XG: variants seen among roughly 807,000 people sequenced by gnomAD.
XG encodes Xg glycoprotein (Xg blood group).
Under a neutral mutation model 25.7 loss-of-function variants are expected in XG, and 24 were observed. The ratio of observed to expected loss-of-function variants is 0.93; its 90% CI spans 0.68 to 1.31. The LOEUF (loss-of-function observed/expected upper bound fraction) is 1.31, where lower values mean the gene tolerates loss of function less well. Among genes scored for constraint, XG ranks in the 40% most tolerant of loss-of-function variants. The pLI is 0.00. For synonymous variants in XG, 77 were observed against 69.2 expected (o/e 1.11, Z -0.56); for missense variants, 181 against 187.6 (o/e 0.96, Z 0.21).
At chrX:2,778,262 G>C (rs1449915981) in intron 3 of XG, among the ~76,000 whole-genome samples, 1 of 152,218 alleles carries the variant, frequency 6.6e-6, no homozygotes, top group Non-Finnish European at 1.5e-5. Flanking sequence ...AAGATGTGGA[G>C]CTGGGCGTGG....
rs141450501 is a variant in XG, at chrX:2,808,772, C to T, written c.454+552C>T. Among the ~76,000 whole-genome samples the T allele has an allele frequency of 1.9e-3, 210 of 111,202 alleles. 1 individual carries two copies. The highest frequency in any genetic ancestry group is 6.5e-3 in the African/African-American group (200 of 30,577). Reference sequence around the variant, plus strand: ...TGCTTGAGTTTAAGTTGAGAGTAAACGCACTCAACCCCAAGGCTCTTGTGA... The same window carrying T: ...TGCTTGAGTTTAAGTTGAGAGTAAATGCACTCAACCCCAAGGCTCTTGTGA... On this transcript the variant is annotated intron_variant, in intron 9 of 10. Transcript: ENST00000644266.
chrX:2,776,833 C>T (rs1365980030), intron 3 of XG, among the ~76,000 whole-genome samples: 1 of 149,126 alleles, frequency 6.7e-6, no homozygotes, highest in Non-Finnish European at 1.5e-5. Flanking sequence ...GGCGACAGAG[C>T]GAGACTCCGT....
At chrX:2,770,430 G>A in intron 1 of XG, 120 bp from the exon 2 acceptor site, 1 of 1,110,338 alleles carries the variant, frequency 9.0e-7, no homozygotes. Flanking sequence ...GGTCAGGTTA[G>A]TTTTAGTGCT....
At chrX:2,773,841 A>G (rs1460133640) in intron 2 of XG, among the ~76,000 whole-genome samples, 2 of 146,872 alleles carry the variant, frequency 1.4e-5, no homozygotes, top group East Asian at 2.0e-4. Flanking sequence ...GAAGGAGAGA[A>G]GGAAGGAAGG....
chrX:2,780,540 CA>C, intron 3 of XG, among the ~76,000 whole-genome samples: 1 of 151,710 alleles, frequency 6.6e-6, no homozygotes. Flanking sequence ...CCAGCCTGGC[CA>C]ACATGGTGAA....
At position 2,782,137 on chromosome X, in the gene XG, C is replaced by A. The variant is rs2086735517; in HGVS notation, c.190+9C>A. ...TCCCGACAGCGGTGGAAGTAAGAATCCGCAGGCCTGAAACTCTTTCTCAAT... is the reference window on the plus strand; with the variant it reads ...TCCCGACAGCGGTGGAAGTAAGAATACGCAGGCCTGAAACTCTTTCTCAAT... On this transcript the variant is annotated intron_variant, in intron 4 of 10. Coordinates refer to ENST00000644266, the MANE Select transcript of XG (RefSeq NM_001141919.2). The A allele has an allele frequency of 8.3e-7, 1 of 1,209,291 alleles. No homozygotes were observed. The highest frequency in any genetic ancestry group is 1.1e-6 in the Non-Finnish European group (1 of 894,268).
chrX:2,770,825 T>G (rs34694917), intron 2 of XG, among the ~76,000 whole-genome samples: 27,975 of 151,954 alleles, frequency 0.18, 3,043 homozygotes, highest in South Asian at 0.37. Context: ...TTTAGGAATA[T>G]GCTAGTATTT....
At chrX:2,770,620 TC>T (rs1228459751) in intron 2 of XG, 29 bp downstream of exon 2, 1 of 1,613,370 alleles carries the variant, frequency 6.2e-7, no homozygotes, top group African/African-American at 1.3e-5. Flanking sequence ...AGGGGAGCCT[TC>T]CCTTTTCAGC....
intron 1 of XG, among the ~76,000 whole-genome samples, chrX:2,769,351 C>A (rs559387616): frequency 2.0e-5 from 3 of 152,296 alleles, no homozygotes; most frequent in South Asian, 2.1e-4. Context: ...AGAGATTGTC[C>A]CCCCTGGACA....
intron 1 of XG, among the ~76,000 whole-genome samples, chrX:2,766,152 T>C (rs1007328473): frequency 5.9e-5 from 9 of 151,816 alleles, no homozygotes; most frequent in African/African-American, 1.7e-4. Flanking sequence ...CTCTCTCTCT[T>C]TTTTTTTGAG....
intron 7 of XG, among the ~76,000 whole-genome samples, chrX:2,804,813 G>T (rs768297379): frequency 1.5e-3 from 161 of 110,789 alleles, no homozygotes; most frequent in Admixed American, 5.8e-3. Context: ...CTGGTCAGGG[G>T]GCTGCTGTAT....
rs1292934881 is a variant in XG, at chrX:2,814,581, G to A, written c.*201G>A. ...TGTGGTTATAAAGATAAGTTAGGCA[G>A]CTAGACCCTGCGTTCTAAAAAAGGA... On this transcript the variant is annotated 3_prime_UTR_variant, in exon 11 of 11. Transcript: ENST00000644266. 1.6e-5 allele frequency: 7 copies of A among 438,572 alleles called. No homozygotes were observed. The highest frequency in any genetic ancestry group is 1.5e-4 in the Admixed American group (3 of 19,860). The allele number at this position is 438,572 out of a possible 1,213,427, so 36.1% of individuals were successfully genotyped here.
intron 6 of XG, 23 bp from the exon 7 acceptor site, chrX:2,797,287 A>C: frequency 8.3e-7 from 1 of 1,207,969 alleles, no homozygotes; most frequent in African/African-American, 1.8e-5. Context: ...ACATCCCTCA[A>C]CTCTACCTTC....
At chrX:2,761,546 G>T (rs1162978649) in intron 1 of XG, among the ~76,000 whole-genome samples, 1 of 148,268 alleles carries the variant, frequency 6.7e-6, no homozygotes, top group African/African-American at 2.5e-5. Flanking sequence ...AGAAGATGGT[G>T]TCTACAAGCC....
chrX:2,786,727 T>C (rs2086787858), intron 4 of XG, among the ~76,000 whole-genome samples: 1 of 110,989 alleles, frequency 9.0e-6, no homozygotes, highest in Middle Eastern at 4.2e-3. Context: ...AAGAAGGAGA[T>C]TAATGTAAAA....
intron 1 of XG, among the ~76,000 whole-genome samples, chrX:2,756,843 G>A (rs1271451271): frequency 3.9e-5 from 6 of 152,148 alleles, no homozygotes; most frequent in African/African-American, 9.7e-5. Context: ...TGGGCCCCAC[G>A]GTAGCATCTA....
At chrX:2,770,226 A>G (rs889063781) in intron 1 of XG, among the ~76,000 whole-genome samples, 3 of 151,958 alleles carry the variant, frequency 2.0e-5, no homozygotes, top group Non-Finnish European at 2.9e-5. Flanking sequence ...AAAATACCAC[A>G]TATTGTAGAA....
intron 1 of XG, among the ~76,000 whole-genome samples, chrX:2,762,655 T>G (rs895707895): frequency 6.6e-6 from 1 of 152,234 alleles, no homozygotes; most frequent in African/African-American, 2.4e-5. Flanking sequence ...AATTCAGCCC[T>G]TGGCAAACAA....
At chrX:2,782,338 C>T (rs1410451862) in intron 4 of XG, among the ~76,000 whole-genome samples, 1 of 112,385 alleles carries the variant, frequency 8.9e-6, no homozygotes, top group Non-Finnish European at 1.9e-5. Flanking sequence ...ATCTAGAAAC[C>T]ACTAAGGTGT....
Sources: allele counts gnomAD v4.1 joint callset (sites outside exome capture counted in the v4.1 genomes callset), GRCh38; gene constraint gnomAD v4.1.1; transcripts MANE v1.5; gene names NCBI Gene and HGNC (gene_info 2026-07-23, HGNC 2026-07-21).